The following CAPN9 variants were observed in gnomAD, a reference collection of about 807,000 sequenced individuals.
CAPN9 encodes calpain-9.
CAPN9 carries 81 observed loss-of-function variants against 92.8 expected under a neutral mutation model. That is an observed-to-expected ratio of 0.87 (90% CI 0.73 to 1.05). The LOEUF (loss-of-function observed/expected upper bound fraction) is 1.05. CAPN9 is among the 50% of genes least tolerant of loss of function. The pLI is 0.00. For missense variants in CAPN9, 848 were observed against 866.2 expected (o/e 0.98, Z 0.26); for synonymous variants, 304 against 328.0 (o/e 0.93, Z 0.79).
chr1:230,780,127 T>C, intron 9 of CAPN9, 52 bp from the exon 10 acceptor site: 1 of 1,276,590 alleles, frequency 7.8e-7, no homozygotes, highest in Non-Finnish European at 1.1e-6. Context: ...TGTGTGGTCT[T>C]TGTGGGTTGT....
chr1:230,780,739 ACTT>A, intron 11 of CAPN9, 31 bp downstream of exon 11: 1 of 1,584,622 alleles, frequency 6.3e-7, no homozygotes, highest in East Asian at 2.2e-5. Flanking sequence ...CCAGAATCCC[ACTT>A]CTTTTAGTGG....
intron 1 of CAPN9, among the ~76,000 whole-genome samples, chr1:230,749,461 G>A (rs925744534): frequency 3.3e-5 from 5 of 152,212 alleles, no homozygotes; most frequent in African/African-American, 7.2e-5. Context: ...AAATGGGCGC[G>A]TGGGCAGCTG....
At chr1:230,762,565 A>G (rs907434354) in intron 3 of CAPN9, 88 bp from the exon 4 acceptor site, 1 of 1,513,370 alleles carries the variant, frequency 6.6e-7, no homozygotes, top group East Asian at 2.3e-5. Context: ...CAGAGGGGAA[A>G]AAAGCAACAG....
intron 2 of CAPN9, among the ~76,000 whole-genome samples, chr1:230,759,232 G>A (rs545508110): frequency 6.6e-5 from 10 of 152,322 alleles, no homozygotes; most frequent in African/African-American, 2.2e-4. Flanking sequence ...GGAATTCACA[G>A]AGCTGATGCA....
intron 11 of CAPN9, 48 bp from the exon 12 acceptor site, chr1:230,785,933 T>C (rs766111867): frequency 4.6e-5 from 72 of 1,582,106 alleles, no homozygotes; most frequent in Non-Finnish European, 5.6e-5. Context: ...CAGATCCCAA[T>C]GGGAAGTTAA....
intron 8 of CAPN9, among the ~76,000 whole-genome samples, chr1:230,778,078 A>G (rs951579168): frequency 2.6e-5 from 4 of 152,010 alleles, no homozygotes; most frequent in African/African-American, 9.7e-5. Context: ...GACATCTCAC[A>G]TTCACGTGCC....
At chr1:230,770,158 C>A (rs1002308054) in intron 6 of CAPN9, among the ~76,000 whole-genome samples, 1 of 152,132 alleles carries the variant, frequency 6.6e-6, no homozygotes, top group East Asian at 1.9e-4. Context: ...AGAAGTCCCA[C>A]GATCTGCTCT....
intron 2 of CAPN9, among the ~76,000 whole-genome samples, chr1:230,757,458 T>A (rs1232105195): frequency 6.6e-6 from 1 of 152,186 alleles, no homozygotes; most frequent in Non-Finnish European, 1.5e-5. Context: ...TATTTTACCT[T>A]AGTGGATGGT....
chr1:230,794,661 G>A (rs1391461577), intron 17 of CAPN9, among the ~76,000 whole-genome samples: 2 of 152,182 alleles, frequency 1.3e-5, no homozygotes, highest in African/African-American at 4.8e-5. Context: ...TCGTGGATGT[G>A]TAGGAATGGG....
At chr1:230,788,336 C>T (rs1262184882) in intron 13 of CAPN9, among the ~76,000 whole-genome samples, 1 of 152,170 alleles carries the variant, frequency 6.6e-6, no homozygotes, top group African/African-American at 2.4e-5. Flanking sequence ...CACTGCTCAG[C>T]TTCCTTTTTA....
rs982523406 is a variant in CAPN9, at chr1:230,747,454, T to C, written c.-43T>C. The C allele has an allele frequency of 6.5e-7, 1 of 1,542,034 alleles. No individual in the cohort carries two copies. The highest frequency in any genetic ancestry group is 2.2e-5 in the East Asian group (1 of 44,510). ...CACAGCTCGCTTCTTCACTTTCTTTTCCATCCACTGCCGGACCCAAGCCAG... is the reference window on the plus strand; with the variant it reads ...CACAGCTCGCTTCTTCACTTTCTTTCCCATCCACTGCCGGACCCAAGCCAG... On this transcript the variant is annotated 5_prime_UTR_variant, in exon 1 of 20. Coordinates refer to ENST00000271971, the MANE Select transcript of CAPN9 (RefSeq NM_006615.3).
chr1:230,792,644 A>G (rs1232092952), intron 16 of CAPN9, 150 bp downstream of exon 16: 2 of 776,614 alleles, frequency 2.6e-6, no homozygotes, highest in East Asian at 2.5e-5. Context: ...TGCTATTCCG[A>G]TGCTTACGGG....
At chr1:230,788,895 T>G (rs1667788382) in intron 13 of CAPN9, among the ~76,000 whole-genome samples, 1 of 152,116 alleles carries the variant, frequency 6.6e-6, no homozygotes, top group African/African-American at 2.4e-5. Flanking sequence ...AGGGAAGCGG[T>G]GAATGTTGCA....
chr1:230,763,645 A>G (rs571912745), intron 4 of CAPN9, among the ~76,000 whole-genome samples: 1 of 152,312 alleles, frequency 6.6e-6, no homozygotes, highest in Admixed American at 6.5e-5. Flanking sequence ...TTCAGCCTGG[A>G]TCTTCAAGCC....
At chr1:230,800,791 G>A (rs538556745) in intron 19 of CAPN9, among the ~76,000 whole-genome samples, 70 of 152,004 alleles carry the variant, frequency 4.6e-4, no homozygotes, top group Non-Finnish European at 9.1e-4. Context: ...TAATCCCCTT[G>A]GTGAGTCCAG....
intron 12 of CAPN9, among the ~76,000 whole-genome samples, chr1:230,787,049 C>A (rs1468899822): frequency 2.6e-5 from 4 of 152,184 alleles, no homozygotes; most frequent in East Asian, 1.9e-4. Context: ...TGCTAAAAAA[C>A]CAAAGAAACC....
Position 230,769,242 on chromosome 1 carries a change from C to A in CAPN9, c.768C>A (p.Tyr256Ter). Residue 256 changes from tyrosine (Y) to a stop codon, truncating the protein, a stop_gained, in exon 6 of 20, where the codon TAC becomes TAA. Coordinates refer to ENST00000271971, the MANE Select transcript of CAPN9 (RefSeq NM_006615.3). LOFTEE classifies it high-confidence loss of function. ...TTGGTCTTATTAAGGGTCATGCCTA[C>A]AGTGTAACGGGAATTGACCAGGTAG... is the stretch of plus-strand genomic sequence containing the variant. ...TPFGLIKGHA[Y>*]SVTGIDQVSF... 1.9e-6 allele frequency: 3 copies of A among 1,613,896 alleles called. No homozygotes were observed. The highest frequency in any genetic ancestry group is 2.5e-6 in the Non-Finnish European group (3 of 1,179,748).
chr1:230,755,673 G>A (rs7535967), intron 2 of CAPN9, among the ~76,000 whole-genome samples: 13,447 of 152,172 alleles, frequency 0.088, 722 homozygotes, highest in African/African-American at 0.14. Context: ...AGCGTTGGTC[G>A]GGCTCTCCTA....
Position 230,801,772 on chromosome 1 carries a change from A to AT in CAPN9, c.*180dup. ...GAAATGAACTCAGCTACACTCTCTG[A>AT]TTTTGTGCTACTCCTTTGTAAAGTC... On this transcript the variant is annotated 3_prime_UTR_variant, in exon 20 of 20. Coordinates refer to ENST00000271971, the MANE Select transcript of CAPN9 (RefSeq NM_006615.3). 1 of 664,126 alleles carries AT rather than the reference A, an allele frequency of 1.5e-6. No individual in the cohort carries two copies. The highest frequency in any genetic ancestry group is 2.7e-6 in the Non-Finnish European group (1 of 367,976). The allele number at this position is 664,126 out of a possible 1,614,324, so 41.1% of individuals were successfully genotyped here.
Sources: allele counts gnomAD v4.1 joint callset (sites outside exome capture counted in the v4.1 genomes callset), GRCh38; gene constraint gnomAD v4.1.1; transcripts MANE v1.5; gene names NCBI Gene and HGNC (gene_info 2026-07-23, HGNC 2026-07-21).